Variants in NIPAL3 observed in about 807,000 individuals in gnomAD.
The protein encoded by NIPAL3 is NIPA like domain containing 3.
A neutral mutation model predicts 47.2 loss-of-function variants in NIPAL3; 41 were observed. The observed-to-expected ratio is 0.87, with a 90% CI of 0.68 to 1.13. NIPAL3 has a LOEUF of 1.13. Among genes scored for constraint, NIPAL3 ranks in the 50% most tolerant of loss-of-function variants. The pLI is 0.00. For synonymous variants in NIPAL3, 194 were observed against 209.6 expected, an observed-to-expected ratio of 0.93 and a Z score of 0.64; for missense variants, 449 against 530.1, an observed-to-expected ratio of 0.85 and a Z score of 1.50.
chr1:24,429,384 G>A (rs1301794691), intron 2 of NIPAL3, among the ~76,000 whole-genome samples: 2 of 152,138 alleles, frequency 1.3e-5, no homozygotes, highest in Non-Finnish European at 2.9e-5. Context: ...TAACAGTATT[G>A]AGTACTGTTA....
intron 2 of NIPAL3, among the ~76,000 whole-genome samples, chr1:24,434,078 C>T (rs367557530): frequency 9.2e-5 from 14 of 152,016 alleles, no homozygotes; most frequent in African/African-American, 3.1e-4. Flanking sequence ...GGCAAAATGA[C>T]AGAAGTCCTT....
intron 5 of NIPAL3, among the ~76,000 whole-genome samples, chr1:24,447,021 C>T (rs985222442): frequency 6.6e-6 from 1 of 152,086 alleles, no homozygotes; most frequent in Non-Finnish European, 1.5e-5. Flanking sequence ...GTCCAAGTCT[C>T]GGTAAGGCTG....
rs1247054451 is a variant in NIPAL3, at chr1:24,472,795, A to C, written c.*3610A>C. On this transcript the variant is annotated 3_prime_UTR_variant, in exon 12 of 12. Coordinates refer to ENST00000374399, the MANE Select transcript of NIPAL3 (RefSeq NM_020448.5). Reference sequence around the variant, plus strand: ...TTTCAACACTGGCTGATAGGCAGACAAAAGGTTACTTGTGTGTTTCTCTGA... The same window carrying C: ...TTTCAACACTGGCTGATAGGCAGACCAAAGGTTACTTGTGTGTTTCTCTGA... The C allele has an allele frequency of 6.6e-6, 1 of 152,186 alleles. No homozygotes were observed. Among genetic ancestry groups the C allele is most frequent in the Non-Finnish European group, 1.5e-5 (1 of 68,044 alleles). 9.4% of individuals were successfully genotyped at this position (152,186 alleles called of 1,614,324 possible).
intron 1 of NIPAL3, among the ~76,000 whole-genome samples, chr1:24,417,817 G>A (rs894407791): frequency 1.3e-5 from 2 of 152,202 alleles, no homozygotes; most frequent in African/African-American, 4.8e-5. Flanking sequence ...GCCTAGGGCC[G>A]GATAGCAGAA....
At chr1:24,434,500 C>T (rs568380517) in intron 2 of NIPAL3, among the ~76,000 whole-genome samples, 3 of 152,204 alleles carry the variant, frequency 2.0e-5, no homozygotes, top group East Asian at 1.9e-4. Flanking sequence ...ACTTGAATAG[C>T]GTATACCCCA....
chr1:24,456,349 T>G (rs1646203267), intron 8 of NIPAL3, 76 bp downstream of exon 8: 7 of 1,592,026 alleles, frequency 4.4e-6, no homozygotes, highest in Non-Finnish European at 6.0e-6. Context: ...TGACGTATGC[T>G]GTGAAGCCAC....
intron 2 of NIPAL3, among the ~76,000 whole-genome samples, chr1:24,434,651 C>T (rs891778350): frequency 2.0e-5 from 3 of 152,088 alleles, no homozygotes; most frequent in Admixed American, 1.3e-4. Context: ...CTTAAGTGCA[C>T]ATGAACATTT....
intron 3 of NIPAL3, among the ~76,000 whole-genome samples, chr1:24,441,060 G>A (rs905107145): frequency 1.3e-5 from 2 of 152,126 alleles, no homozygotes; most frequent in African/African-American, 4.8e-5. Context: ...TTGTCTCAGG[G>A]ACTGCTTCTG....
At chr1:24,464,000 C>T in intron 10 of NIPAL3, 26 bp from the exon 11 acceptor site, 1 of 1,596,056 alleles carries the variant, frequency 6.3e-7, no homozygotes, top group Non-Finnish European at 8.6e-7. Flanking sequence ...CCTTATTTCT[C>T]TTCCTATCTT....
intron 5 of NIPAL3, among the ~76,000 whole-genome samples, chr1:24,448,246 AGT>A (rs1461271285): frequency 2.0e-5 from 3 of 152,216 alleles, no homozygotes; most frequent in Non-Finnish European, 4.4e-5. Context: ...GGTCACCATA[AGT>A]GTGTCTTAGA....
intron 2 of NIPAL3, chr1:24,432,955 T>G (rs1644942677): frequency 6.6e-6 from 1 of 152,232 alleles, no homozygotes; most frequent in Admixed American, 6.5e-5. Context: ...CTATTGTTAA[T>G]GATGGATGAC....
At chr1:24,466,099 G>C in intron 11 of NIPAL3, 1 of 1,608,740 alleles carries the variant, frequency 6.2e-7, no homozygotes, top group Non-Finnish European at 8.5e-7. Context: ...AGTAATTCAA[G>C]CACCTGAAAG....
rs1396820738 is a variant in NIPAL3 at position 24,454,109 on chromosome 1, C to T, written c.637+605C>T. ...TGGTACAATCTTAGCTCTCTGCAGC[C>T]TTGACCTCCTGGCCTCAAGTGATCC... On this transcript the variant is annotated intron_variant, in intron 7 of 11. Coordinates refer to ENST00000374399, the MANE Select transcript of NIPAL3 (RefSeq NM_020448.5). This position sits in a 1 kb window ranked among gnomAD's most constrained non-coding sequence, Gnocchi z 4.1. The T allele has an allele frequency of 2.8e-6, 3 of 1,085,394 alleles. No homozygotes were observed. The highest frequency in any genetic ancestry group is 3.7e-6 in the Non-Finnish European group (3 of 811,440). The allele number at this position is 1,085,394 out of a possible 1,614,324, so 67.2% of individuals were successfully genotyped here. A position where few individuals can be genotyped will look rare whatever the true frequency, so the allele number is the denominator to read the frequency against.
At chr1:24,443,700 G>T (rs1015698076) in intron 4 of NIPAL3, among the ~76,000 whole-genome samples, 3 of 152,164 alleles carry the variant, frequency 2.0e-5, no homozygotes, top group African/African-American at 7.2e-5. Flanking sequence ...AGTGAATGAG[G>T]TCCTCAGACA....
chr1:24,453,156 C>T (rs1366334800), intron 6 of NIPAL3, among the ~76,000 whole-genome samples: 1 of 152,134 alleles, frequency 6.6e-6, no homozygotes, highest in Admixed American at 6.5e-5. Flanking sequence ...ATGAGAGCAG[C>T]ACGTCACCCT....
chr1:24,440,336 T>G, intron 3 of NIPAL3, 96 bp downstream of exon 3: 1 of 898,286 alleles, frequency 1.1e-6, no homozygotes, highest in Non-Finnish European at 1.6e-6. Context: ...CTGCAGGGCC[T>G]TGCCTACTGC....
chr1:24,435,217 A>G (rs1207072957), intron 2 of NIPAL3, among the ~76,000 whole-genome samples: 1 of 152,232 alleles, frequency 6.6e-6, no homozygotes, highest in East Asian at 1.9e-4. Context: ...ACAAGAGTGA[A>G]TGAAATTGGA....
rs2148772216 is a variant in NIPAL3, at chr1:24,429,087, A to G, written c.93+9447A>G. 2.6e-5 allele frequency among the ~76,000 whole-genome samples: 4 copies of G among 152,350 alleles called. 1 individual carries two copies. In the South Asian group the frequency reaches 8.3e-4, roughly 32 times the overall value. The stretch of plus-strand genomic sequence containing the variant: ...AGCTACCAGTTATAGGTGGAACCAT[A>G]TGAAACTACCATCTTTATGCATCAA... On this transcript the variant is annotated intron_variant, in intron 2 of 11. Transcript: ENST00000374399.
intron 2 of NIPAL3, among the ~76,000 whole-genome samples, chr1:24,426,663 T>A (rs569989846): frequency 1.3e-5 from 2 of 152,152 alleles, no homozygotes; most frequent in South Asian, 4.1e-4. Flanking sequence ...ACCCTGACAG[T>A]CGCTTATTCC....
Sources: gnomAD v4.1 joint callset for allele counts (sites outside exome capture counted in the v4.1 genomes callset) on GRCh38, gnomAD v4.1.1 for gene constraint, Gnocchi (gnomAD v3.1) non-coding constraint, MANE v1.5 for transcripts, NCBI Gene and HGNC (gene_info 2026-07-23, HGNC 2026-07-21) for gene names.